TRABD2B: variants seen among roughly 807,000 people sequenced by gnomAD.
TRABD2B encodes the protein metalloprotease TIKI2.
Under a neutral mutation model 40.1 loss-of-function variants are expected in TRABD2B, and 14 were observed. The observed-to-expected ratio is 0.35, with a 90% confidence interval of 0.23 to 0.55. The LOEUF (loss-of-function observed/expected upper bound fraction) is 0.55, where lower values mean the gene tolerates loss of function less well. Among genes scored for constraint, TRABD2B ranks in the 20% least tolerant of loss-of-function variants. TRABD2B has a pLI of 0.90. For synonymous variants in TRABD2B, 263 were observed against 277.0 expected (o/e 0.95, Z 0.50); for missense variants, 541 against 648.6 (o/e 0.83, Z 1.80).
chr1:47,805,503 T>C (rs1644879656), intron 2 of TRABD2B, among the ~76,000 whole-genome samples: 1 of 152,104 alleles, frequency 6.6e-6, no homozygotes, highest in African/African-American at 2.4e-5. Flanking sequence ...TTCTTTTTCC[T>C]TAGACACTTA....
At chr1:47,985,032 A>T (rs1273523569) in intron 2 of TRABD2B, among the ~76,000 whole-genome samples, 1 of 152,260 alleles carries the variant, frequency 6.6e-6, no homozygotes, top group Non-Finnish European at 1.5e-5. Flanking sequence ...TGTACTGAGC[A>T]TTTGTGTGTG....
At chr1:47,776,427 T>A in intron 5 of TRABD2B, among the ~76,000 whole-genome samples, 1 of 152,126 alleles carries the variant, frequency 6.6e-6, no homozygotes, top group East Asian at 1.9e-4. Context: ...TGAGATGAGG[T>A]CTTAACACAG....
chr1:47,935,172 G>A (rs542667936), intron 2 of TRABD2B, among the ~76,000 whole-genome samples: 1 of 152,242 alleles, frequency 6.6e-6, no homozygotes, highest in African/African-American at 2.4e-5. Flanking sequence ...TTTACTGAGG[G>A]CTTCCTCTTT....
chr1:47,941,605 T>C (rs1433817490), intron 2 of TRABD2B, among the ~76,000 whole-genome samples: 1 of 152,220 alleles, frequency 6.6e-6, no homozygotes, highest in South Asian at 2.1e-4. Context: ...GTTCTCCATG[T>C]ATAAACCAGG....
chr1:47,775,637 T>C (rs549269967), intron 5 of TRABD2B, among the ~76,000 whole-genome samples, 198 bp from the exon 6 acceptor site: 7 of 152,200 alleles, frequency 4.6e-5, no homozygotes, highest in Non-Finnish European at 1.0e-4. Context: ...CCTTCATTTG[T>C]TTAGTCGACG....
rs895168062 is a variant in TRABD2B, at chr1:47,836,260, A to C, written c.667-34641T>G. On this transcript the variant is annotated intron_variant, in intron 2 of 6. Transcript: ENST00000606738. ...TAGTTTCCTTATCTTTCAAATGGGG[A>C]TAACTATGGACAATCCAAGGTTTAC... 5.9e-5 allele frequency among the ~76,000 whole-genome samples: 9 copies of C among 152,280 alleles called. No individual in the cohort carries two copies. In the South Asian group the frequency reaches 1.7e-3, roughly 28 times the overall value.
intron 2 of TRABD2B, among the ~76,000 whole-genome samples, chr1:47,934,720 C>T (rs1645083827): frequency 1.3e-5 from 2 of 152,188 alleles, no homozygotes; most frequent in Non-Finnish European, 1.5e-5. Context: ...GTCTCTGTTT[C>T]GTCATCGGCC....
At chr1:47,963,578 A>G (rs1645553844) in intron 2 of TRABD2B, among the ~76,000 whole-genome samples, 2 of 152,364 alleles carry the variant, frequency 1.3e-5, no homozygotes, top group Middle Eastern at 3.4e-3. Flanking sequence ...GAAAAAAGTT[A>G]GCATTCAGCA....
At chr1:47,811,045 G>C (rs1570009987) in intron 2 of TRABD2B, among the ~76,000 whole-genome samples, 1 of 152,214 alleles carries the variant, frequency 6.6e-6, no homozygotes, top group Non-Finnish European at 1.5e-5. Context: ...TCCAGCACAA[G>C]GGAGAGAGGT....
At chr1:47,829,351 G>T (rs1474225652) in intron 2 of TRABD2B, among the ~76,000 whole-genome samples, 1 of 152,102 alleles carries the variant, frequency 6.6e-6, no homozygotes, top group Non-Finnish European at 1.5e-5. Context: ...CAGGCTGTGA[G>T]CGGAGCCCAA....
intron 4 of TRABD2B, among the ~76,000 whole-genome samples, chr1:47,785,222 T>C (rs984986341): frequency 1.3e-5 from 2 of 151,928 alleles, no homozygotes; most frequent in Non-Finnish European, 2.9e-5. Flanking sequence ...CTGCAGGACA[T>C]GGTGAAGGGG....
At chr1:47,873,770 T>C (rs552096576) in intron 2 of TRABD2B, among the ~76,000 whole-genome samples, 4 of 152,324 alleles carry the variant, frequency 2.6e-5, no homozygotes, top group Non-Finnish European at 4.4e-5. Context: ...TAGAACATTG[T>C]CCAGCACATT....
intron 2 of TRABD2B, among the ~76,000 whole-genome samples, chr1:47,886,295 A>G (rs1644369630): frequency 6.6e-6 from 1 of 152,200 alleles, no homozygotes; most frequent in African/African-American, 2.4e-5. Flanking sequence ...TATGCAGAGC[A>G]TATGCACTGT....
chr1:47,966,386 T>C (rs1428837303), intron 2 of TRABD2B, among the ~76,000 whole-genome samples: 1 of 152,024 alleles, frequency 6.6e-6, no homozygotes, highest in Non-Finnish European at 1.5e-5. Flanking sequence ...GTTGTTAAGG[T>C]GAATATCTCA....
chr1:47,922,974 C>G (rs957254287), intron 2 of TRABD2B, among the ~76,000 whole-genome samples: 7 of 152,230 alleles, frequency 4.6e-5, no homozygotes, highest in Non-Finnish European at 1.0e-4. Context: ...CGGCCTTCCT[C>G]TCTGTCTCAA....
chr1:47,979,200 G>T (rs919212010), intron 2 of TRABD2B, among the ~76,000 whole-genome samples: 79 of 152,104 alleles, frequency 5.2e-4, no homozygotes, highest in Non-Finnish European at 8.8e-4. Flanking sequence ...CGGGAAGGGG[G>T]CTTCCTGTTT....
In TRABD2B at chr1:47,775,277, G is replaced by T; in HGVS notation, c.1242C>A (p.Ser414Arg). ...ALSPHLLLPDSLSQLEEFGRQ... is the reference protein window; with the variant it reads ...ALSPHLLLPDRLSQLEEFGRQ... The stretch of plus-strand genomic sequence containing the variant: ...GGCCAAACTCCTCCAGCTGGCTGAG[G>T]CTGTCGGGGAGCAGGAGGTGTGGGG... The change falls in exon 6 of 7, where the codon AGC (serine) becomes AGA (arginine). Residue 414 changes from serine to arginine, a missense_variant. Transcript: ENST00000606738. 7.9e-7 allele frequency: 1 copy of T among 1,258,144 alleles called. No homozygotes were observed. Among genetic ancestry groups the T allele is most frequent in the Non-Finnish European group, 1.0e-6 (1 of 998,638 alleles). 77.9% of individuals were successfully genotyped at this position (1,258,144 alleles called of 1,614,324 possible). A position where few individuals can be genotyped will look rare whatever the true frequency, so the allele number is the denominator to read the frequency against.
chr1:47,902,649 A>T (rs1159597351), intron 2 of TRABD2B, among the ~76,000 whole-genome samples: 1 of 152,056 alleles, frequency 6.6e-6, no homozygotes, highest in Non-Finnish European at 1.5e-5. Flanking sequence ...GGGTTACACC[A>T]CTATGCCTAG....
At chr1:47,779,323 A>G (rs1232834070) in intron 4 of TRABD2B, among the ~76,000 whole-genome samples, 4 of 152,158 alleles carry the variant, frequency 2.6e-5, no homozygotes, top group Admixed American at 2.6e-4. Flanking sequence ...AGAAACATAG[A>G]ACTGAACCCT....
Sources: gnomAD v4.1 joint callset for allele counts (sites outside exome capture counted in the v4.1 genomes callset) on GRCh38, gnomAD v4.1.1 for gene constraint, MANE v1.5 for transcripts, NCBI Gene and HGNC (gene_info 2026-07-23, HGNC 2026-07-21) for gene names.